The following RAB11FIP4 variants were observed in gnomAD, a reference collection of about 807,000 sequenced individuals.
RAB11FIP4 encodes the protein rab11 family-interacting protein 4.
In RAB11FIP4, 23 loss-of-function variants were observed where a neutral mutation model predicts 74.3. The observed-to-expected ratio is 0.31, with a 90% CI of 0.22 to 0.44. The LOEUF is 0.44. Among genes scored for constraint, RAB11FIP4 ranks in the 20% least tolerant of loss-of-function variants. RAB11FIP4 has a pLI of 1.00. For synonymous variants in RAB11FIP4, 360 were observed against 359.9 expected (o/e 1.00, Z 0.00); for missense variants, 630 against 863.9 (o/e 0.73, Z 3.39).
chr17:31,529,216 G>T (rs1226986503), intron 13 of RAB11FIP4, among the ~76,000 whole-genome samples: 2 of 150,892 alleles, frequency 1.3e-5, no homozygotes, highest in Non-Finnish European at 2.9e-5. Flanking sequence ...TTCTGCCTCA[G>T]TCTCCCTAGT....
At chr17:31,500,342 C>T (rs989402694) in intron 3 of RAB11FIP4, among the ~76,000 whole-genome samples, 3 of 152,080 alleles carry the variant, frequency 2.0e-5, no homozygotes, top group Admixed American at 6.6e-5. Context: ...GCCCACGTGT[C>T]CCGGGGGCAG....
intron 3 of RAB11FIP4, among the ~76,000 whole-genome samples, chr17:31,441,540 T>TTATG (rs1181396329): frequency 1.3e-5 from 2 of 151,938 alleles, no homozygotes; most frequent in Non-Finnish European, 2.9e-5. Context: ...ATTTATTTAT[T>TTATG]TATTGAAACA....
chr17:31,450,546 T>C (rs1245320566), intron 3 of RAB11FIP4, among the ~76,000 whole-genome samples: 2 of 151,902 alleles, frequency 1.3e-5, no homozygotes, highest in African/African-American at 2.4e-5. Flanking sequence ...GGTTTCACCA[T>C]GTTGCCCAGG....
chr17:31,442,004 T>TTA (rs2071410880), intron 3 of RAB11FIP4, among the ~76,000 whole-genome samples: 1 of 144,026 alleles, frequency 6.9e-6, no homozygotes, highest in Admixed American at 6.9e-5. Context: ...GTATATACAC[T>TTA]TTTTTTTTTT....
At chr17:31,422,917 CTTTTTTT>C (rs35668224) in intron 1 of RAB11FIP4, among the ~76,000 whole-genome samples, 1 of 126,444 alleles carries the variant, frequency 7.9e-6, no homozygotes. Context: ...TATTGATTGC[CTTTTTTT>C]TTTTTTTTTT....
At chr17:31,528,036 G>C in intron 11 of RAB11FIP4, 113 bp downstream of exon 11, 1 of 770,266 alleles carries the variant, frequency 1.3e-6, no homozygotes. Context: ...CAAAAAAAGT[G>C]AATAACAACT....
chr17:31,484,840 T>A (rs145443800), intron 3 of RAB11FIP4, among the ~76,000 whole-genome samples: 2 of 152,378 alleles, frequency 1.3e-5, no homozygotes, highest in Non-Finnish European at 2.9e-5. Flanking sequence ...TTACTGGTCC[T>A]GATTATTTTG....
rs181091605 is a variant in RAB11FIP4 at position 31,461,372 on chromosome 17, C to T, written c.336+27250C>T. Among the ~76,000 whole-genome samples, 548 of 152,298 alleles carry T rather than the reference C, an allele frequency of 3.6e-3. 8 individuals carry two copies. Among genetic ancestry groups the T allele is most frequent in the Non-Finnish European group, 1.2e-3 (79 of 68,030 alleles). ...ACCACGATACCAGGCACTTACTGAGCACTTAGCTTGGCACTGAGCACTGAT... is the reference window on the plus strand; with the variant it reads ...ACCACGATACCAGGCACTTACTGAGTACTTAGCTTGGCACTGAGCACTGAT... On this transcript the variant is annotated intron_variant, in intron 3 of 14. Transcript: ENST00000621161.
intron 3 of RAB11FIP4, among the ~76,000 whole-genome samples, chr17:31,476,017 G>T (rs896435294): frequency 6.6e-6 from 1 of 151,950 alleles, no homozygotes; most frequent in African/African-American, 2.4e-5. Context: ...TTAAAACAAG[G>T]TTATGCATTG....
intron 3 of RAB11FIP4, among the ~76,000 whole-genome samples, chr17:31,458,614 G>A (rs2071603288): frequency 4.6e-5 from 7 of 152,220 alleles, no homozygotes; most frequent in Admixed American, 4.6e-4. Context: ...ATCAAGGAAA[G>A]ATGTACCAGC....
chr17:31,434,256 A>G, intron 3 of RAB11FIP4, 134 bp downstream of exon 3: 1 of 736,560 alleles, frequency 1.4e-6, no homozygotes. Context: ...CAGAGTCAAG[A>G]AATAGTTTTT....
intron 1 of RAB11FIP4, among the ~76,000 whole-genome samples, chr17:31,422,404 G>T (rs1483274113): frequency 6.6e-6 from 1 of 152,194 alleles, no homozygotes; most frequent in East Asian, 1.9e-4. Flanking sequence ...TTAAAAATTA[G>T]ATTTTCTATC....
chr17:31,531,564 C>A, intron 14 of RAB11FIP4, 52 bp from the exon 15 acceptor site: 1 of 1,253,878 alleles, frequency 8.0e-7, no homozygotes, highest in Non-Finnish European at 1.2e-6. Context: ...TGGACTCTGC[C>A]TGCACCCTAT....
At chr17:31,489,621 T>G (rs1209268022) in intron 3 of RAB11FIP4, among the ~76,000 whole-genome samples, 1 of 152,218 alleles carries the variant, frequency 6.6e-6, no homozygotes, top group Non-Finnish European at 1.5e-5. Context: ...TCAAGGTGTT[T>G]GCAAGCTCAG....
chr17:31,459,640 T>C (rs2071615655), intron 3 of RAB11FIP4, among the ~76,000 whole-genome samples: 2 of 152,168 alleles, frequency 1.3e-5, no homozygotes, highest in South Asian at 2.1e-4. Flanking sequence ...CCCTTTCTAC[T>C]CCTGGGCTTT....
chr17:31,398,436 A>G (rs74995708), intron 1 of RAB11FIP4, among the ~76,000 whole-genome samples: 6,360 of 151,946 alleles, frequency 0.042, 486 homozygotes, highest in African/African-American at 0.14. Flanking sequence ...GAAGGAGGAA[A>G]TGCCAGCGTT....
chr17:31,512,488 C>T lies in RAB11FIP4; in HGVS notation c.337-5163C>T, dbSNP rs954686735. ...TTCTGGAGGAACACGCTGCTGCATC[C>T]GCTCTCTCCCTTCACCCCGGGGTCC... is the stretch of plus-strand genomic sequence containing the variant. On this transcript the variant is annotated intron_variant, in intron 3 of 14. Transcript: ENST00000621161. The surrounding 1 kb of genome is among the most constrained non-coding windows in gnomAD (Gnocchi z 4.1). 9.2e-5 allele frequency among the ~76,000 whole-genome samples: 14 copies of T among 152,152 alleles called. No individual in the cohort carries two copies. The highest frequency in any genetic ancestry group is 5.9e-4 in the Admixed American group (9 of 15,288).
intron 3 of RAB11FIP4, among the ~76,000 whole-genome samples, chr17:31,515,484 T>C (rs2072529855): frequency 6.6e-6 from 1 of 151,328 alleles, no homozygotes; most frequent in Admixed American, 6.6e-5. Flanking sequence ...AGCCCAGGGG[T>C]CTCCTGGTGG....
chr17:31,471,951 A>G (rs1026216121), intron 3 of RAB11FIP4, among the ~76,000 whole-genome samples: 1 of 152,056 alleles, frequency 6.6e-6, no homozygotes, highest in African/African-American at 2.4e-5. Context: ...TCACAAGGTC[A>G]AGAGATTGAG....
Sources: allele counts gnomAD v4.1 joint callset (sites outside exome capture counted in the v4.1 genomes callset), GRCh38; gene constraint gnomAD v4.1.1; non-coding constraint Gnocchi (gnomAD v3.1); transcripts MANE v1.5; gene names NCBI Gene and HGNC (gene_info 2026-07-23, HGNC 2026-07-21).